Variants in CHST11 observed in about 807,000 individuals in gnomAD.
CHST11 encodes carbohydrate sulfotransferase 11, also known as C4S-1.
Under a neutral mutation model 30.4 loss-of-function variants are expected in CHST11, and 9 were observed. The observed-to-expected ratio is 0.30, with a 90% confidence interval of 0.18 to 0.52. CHST11 has a LOEUF of 0.52. Ranked by LOEUF, CHST11 falls within the 20% of genes least tolerant of loss-of-function variation. CHST11 has a pLI of 0.97. For missense variants in CHST11, 348 were observed against 460.6 expected, an observed-to-expected ratio of 0.76 and a Z score of 2.24; for synonymous variants, 152 against 187.8, an observed-to-expected ratio of 0.81 and a Z score of 1.56.
intron 2 of CHST11, among the ~76,000 whole-genome samples, chr12:104,631,858 G>A (rs985531806): frequency 6.6e-6 from 1 of 152,188 alleles, no homozygotes; most frequent in Non-Finnish European, 1.5e-5. Flanking sequence ...GCACAACTAC[G>A]AAGCTGGGCC....
chr12:104,724,990 C>G (rs1375629967), intron 2 of CHST11, among the ~76,000 whole-genome samples: 1 of 152,128 alleles, frequency 6.6e-6, no homozygotes, highest in Non-Finnish European at 1.5e-5. Context: ...GGAATTCTCC[C>G]CAGTGTGTCT....
rs528355103 is a variant in CHST11 at position 104,709,632 on chromosome 12, G to GC, written c.205-47315dup. ...CAAGACTAGGAAGCTGCAGAGTTCA[G>GC]CCAGCCCATGCGGTTCTTTCATTAA... On this transcript the variant is annotated intron_variant, in intron 2 of 2. Coordinates refer to ENST00000303694, the MANE Select transcript of CHST11 (RefSeq NM_018413.6). 1.8e-3 allele frequency among the ~76,000 whole-genome samples: 269 copies of GC among 152,262 alleles called. 1 individual carries two copies. The highest frequency in any genetic ancestry group is 6.1e-3 in the African/African-American group (255 of 41,544).
chr12:104,656,619 G>T (rs1251999357), intron 2 of CHST11, among the ~76,000 whole-genome samples: 1 of 152,166 alleles, frequency 6.6e-6, no homozygotes, highest in Non-Finnish European at 1.5e-5. Context: ...CCCAGCCCCA[G>T]ACTTACTGCG....
intron 1 of CHST11, among the ~76,000 whole-genome samples, chr12:104,577,578 C>G (rs558644313): frequency 4.4e-5 from 6 of 135,872 alleles, no homozygotes; most frequent in African/African-American, 7.9e-5. Flanking sequence ...CACTAGTGAG[C>G]TACGTTTAAC....
chr12:104,521,217 C>T (rs2038070945), intron 1 of CHST11, among the ~76,000 whole-genome samples: 1 of 152,202 alleles, frequency 6.6e-6, no homozygotes, highest in African/African-American at 2.4e-5. Flanking sequence ...CATTCTTCTT[C>T]TCTGGGCCTC....
intron 1 of CHST11, among the ~76,000 whole-genome samples, chr12:104,594,458 C>T (rs2038889482): frequency 6.6e-6 from 1 of 152,168 alleles, no homozygotes. Flanking sequence ...GTTTACCTCT[C>T]ATATTTATGA....
chr12:104,702,713 C>A (rs2039999682), intron 2 of CHST11, among the ~76,000 whole-genome samples: 1 of 152,208 alleles, frequency 6.6e-6, no homozygotes, highest in African/African-American at 2.4e-5. Flanking sequence ...CCACCCTGCC[C>A]CCAGCAGTCT....
rs576370399 is a variant in CHST11, at chr12:104,515,648, G to A, written c.118+58119G>A. Among the ~76,000 whole-genome samples the A allele has an allele frequency of 9.2e-5, 14 of 152,302 alleles. No individual in the cohort carries two copies. In the South Asian group the frequency reaches 2.9e-3, roughly 32 times the overall value. On this transcript the variant is annotated intron_variant, in intron 1 of 2. Transcript: ENST00000303694. ...CCTCCTGGAGCTTACAGTCTAGGGG[G>A]AGGAGTAAGATAATACACAAATAAA...
At chr12:104,580,446 A>G (rs1265329267) in intron 1 of CHST11, among the ~76,000 whole-genome samples, 2 of 152,254 alleles carry the variant, frequency 1.3e-5, no homozygotes, top group African/African-American at 4.8e-5. Flanking sequence ...AATTTATTTC[A>G]GTGGAGCTTT....
At chr12:104,553,787 A>G (rs1460240357) in intron 1 of CHST11, among the ~76,000 whole-genome samples, 1 of 152,250 alleles carries the variant, frequency 6.6e-6, no homozygotes, top group Non-Finnish European at 1.5e-5. Context: ...GCCAAACCAT[A>G]TCAGCTGCAT....
chr12:104,492,925 C>A lies in CHST11; in HGVS notation c.118+35396C>A, dbSNP rs188175460. Among the ~76,000 whole-genome samples, 111 of 152,108 alleles carry A rather than the reference C, an allele frequency of 7.3e-4. 2 individuals are homozygous for A. The highest frequency in any genetic ancestry group is 2.6e-3 in the African/African-American group (106 of 41,494). ...GTGTCCACCTGTAATCCTAGCTACT[C>A]AGGAGGCTGAGGCAGGAGAATTTCT... On this transcript the variant is annotated intron_variant, in intron 1 of 2. Coordinates refer to ENST00000303694, the MANE Select transcript of CHST11 (RefSeq NM_018413.6).
intron 2 of CHST11, among the ~76,000 whole-genome samples, chr12:104,604,789 A>G (rs1353537510): frequency 6.6e-6 from 1 of 152,196 alleles, no homozygotes; most frequent in East Asian, 1.9e-4. Context: ...GGCTTGATAT[A>G]TAATGGTGAA....
intron 2 of CHST11, among the ~76,000 whole-genome samples, chr12:104,606,677 T>TGACTCAAGCGA (rs2039008275): frequency 6.6e-6 from 1 of 152,150 alleles, no homozygotes; most frequent in Admixed American, 6.5e-5. Flanking sequence ...TCTTTCCCAG[T>TGACTCAAGCGA]GACTCAAGCG....
At chr12:104,469,052 G>A (rs376103600) in intron 1 of CHST11, among the ~76,000 whole-genome samples, 2 of 152,174 alleles carry the variant, frequency 1.3e-5, no homozygotes, top group African/African-American at 4.8e-5. Context: ...GTGGTTCCTC[G>A]TTCAAGGATG....
chr12:104,650,702 G>A (rs1227448049), intron 2 of CHST11, among the ~76,000 whole-genome samples: 2 of 152,202 alleles, frequency 1.3e-5, no homozygotes, highest in African/African-American at 4.8e-5. Flanking sequence ...CTAGCCAATG[G>A]ACAGTTCCAC....
chr12:104,714,899 G>A (rs991789257), intron 2 of CHST11, among the ~76,000 whole-genome samples: 1 of 152,116 alleles, frequency 6.6e-6, no homozygotes, highest in Non-Finnish European at 1.5e-5. Flanking sequence ...AAGACCATGG[G>A]CTAGAACTCA....
chr12:104,573,976 A>G (rs1408631997), intron 1 of CHST11, among the ~76,000 whole-genome samples: 1 of 152,266 alleles, frequency 6.6e-6, no homozygotes, highest in Non-Finnish European at 1.5e-5. Context: ...CAGAGGGCTA[A>G]TATCCAGAAT....
rs771013510 is a variant in CHST11, at chr12:104,518,015, GA to G, written c.118+60489del. Among the ~76,000 whole-genome samples the G allele has an allele frequency of 6.2e-4, 94 of 152,122 alleles. 1 individual carries two copies. The highest frequency in any genetic ancestry group is 3.9e-4 in the Admixed American group (6 of 15,282). Reference sequence around the variant, plus strand: ...TGAGTCAAGACCACCTTTGAGTCCAGAAATGGTGGCTCACGCCTGTAATCCC... The same window carrying G: ...TGAGTCAAGACCACCTTTGAGTCCAGAATGGTGGCTCACGCCTGTAATCCC... On this transcript the variant is annotated intron_variant, in intron 1 of 2. Coordinates refer to ENST00000303694, the MANE Select transcript of CHST11 (RefSeq NM_018413.6).
At chr12:104,516,963 A>G (rs1443141438) in intron 1 of CHST11, among the ~76,000 whole-genome samples, 1 of 152,184 alleles carries the variant, frequency 6.6e-6, no homozygotes, top group African/African-American at 2.4e-5. Flanking sequence ...TACGAATGGT[A>G]AAAAGGCAAT....
Sources: gnomAD v4.1 joint callset for allele counts (sites outside exome capture counted in the v4.1 genomes callset) on GRCh38, gnomAD v4.1.1 for gene constraint, MANE v1.5 for transcripts, NCBI Gene and HGNC (gene_info 2026-07-23, HGNC 2026-07-21) for gene names.